Variants in ARID2 observed in about 807,000 individuals in gnomAD.
ARID2 encodes the protein AT-rich interactive domain-containing protein 2.
In ARID2, 32 loss-of-function variants were observed where a neutral mutation model predicts 184.6. The ratio of observed to expected loss-of-function variants is 0.17; its 90% CI spans 0.13 to 0.23. The LOEUF is 0.23. Ranked by LOEUF, ARID2 falls within the 10% of genes least tolerant of loss-of-function variation. The pLI is 1.00. For synonymous variants in ARID2, 836 were observed against 772.6 expected, an observed-to-expected ratio of 1.08 and a Z score of -1.36; for missense variants, 1,696 against 2,197.6, an observed-to-expected ratio of 0.77 and a Z score of 4.56.
chr12:45,749,037 GT>G (rs1341921819), intron 3 of ARID2, among the ~76,000 whole-genome samples: 1 of 152,198 alleles, frequency 6.6e-6, no homozygotes, highest in African/African-American at 2.4e-5. Context: ...AATCACAGAT[GT>G]TCTCAATGGC....
rs1940934033 is a variant in ARID2 at position 45,729,779 on chromosome 12, CG to C, written c.-52del. 2.0e-6 allele frequency: 3 copies of C among 1,489,172 alleles called. No individual in the cohort carries two copies. Among genetic ancestry groups the C allele is most frequent in the East Asian group, 2.5e-5 (1 of 40,674 alleles). 92.2% of individuals were successfully genotyped at this position (1,489,172 alleles called of 1,614,324 possible). A position where few individuals can be genotyped will look rare whatever the true frequency, so the allele number is the denominator to read the frequency against. ...GGGCTCTGGTAGGAAGCGCTGGGAG[CG>C]GGGGGCGCTTTTAAAACACCGATCT... On this transcript the variant is annotated 5_prime_UTR_variant, in exon 1 of 21. An upstream open reading frame in the 5' UTR loses its in-frame stop. Coordinates refer to ENST00000334344, the MANE Select transcript of ARID2 (RefSeq NM_152641.4).
At chr12:45,808,862 T>G (rs1418925025) in intron 3 of ARID2, among the ~76,000 whole-genome samples, 1 of 152,082 alleles carries the variant, frequency 6.6e-6, no homozygotes, top group African/African-American at 2.4e-5. Flanking sequence ...CCTCCCAGAT[T>G]CAAACAATTC....
rs1944331360 is a variant in ARID2 at position 45,893,550 on chromosome 12, A to G, written c.5271+7A>G. On this transcript the variant is annotated splice_region_variant and intron_variant, in intron 19 of 20. Transcript: ENST00000334344. ...TGTCTTTCGAGATTTTACAGTAAGC[A>G]TGCCTTGAAACCCTTATCTGTAAAA... The G allele has an allele frequency of 4.3e-6, 7 of 1,613,520 alleles. No individual in the cohort carries two copies. Among genetic ancestry groups the G allele is most frequent in the Non-Finnish European group, 5.9e-6 (7 of 1,179,650 alleles).
At chr12:45,865,745 T>C (rs1943821403) in intron 16 of ARID2, among the ~76,000 whole-genome samples, 1 of 152,110 alleles carries the variant, frequency 6.6e-6, no homozygotes, top group Non-Finnish European at 1.5e-5. Context: ...TTTCTTCAAT[T>C]TGTCACTGTA....
chr12:45,899,869 TCTTAA>T lies in ARID2; in HGVS notation c.5364-5060_5364-5056del, dbSNP rs1400101203. On this transcript the variant is annotated intron_variant, in intron 20 of 20. Transcript: ENST00000334344. ...TTCAAAATATGTCTATGTTACTATT[TCTTAA>T]CTTATCTAATTTTATACATTTATTG... is the stretch of plus-strand genomic sequence containing the variant. Among the ~76,000 whole-genome samples the T allele has an allele frequency of 5.9e-5, 9 of 151,374 alleles. 1 individual carries two copies. The highest frequency in any genetic ancestry group is 4.2e-4 in the South Asian group (2 of 4,804).
rs879571763 is a variant in ARID2 at position 45,885,418 on chromosome 12, CA to C, written c.4923-6350del. On this transcript the variant is annotated intron_variant, in intron 16 of 20. Transcript: ENST00000334344. ...CATCTTTTTAACTAGAATATTCCTG[CA>C]AAAAAAAAAAATCCCTTGCATTTTA... Among the ~76,000 whole-genome samples, 458 of 139,024 alleles carry C rather than the reference CA, an allele frequency of 3.3e-3. 1 individual carries two copies. The highest frequency in any genetic ancestry group is 6.3e-3 in the African/African-American group (240 of 37,972). 91.2% of individuals were successfully genotyped at this position (139,024 alleles called of 152,430 possible).
At chr12:45,838,210 G>A (rs965488225) in intron 10 of ARID2, among the ~76,000 whole-genome samples, 3 of 152,172 alleles carry the variant, frequency 2.0e-5, no homozygotes, top group Admixed American at 2.0e-4. Flanking sequence ...GAAGTTGCTG[G>A]TAGTGCTGCA....
At chr12:45,735,378 A>G (rs953719843) in intron 3 of ARID2, among the ~76,000 whole-genome samples, 14 of 151,202 alleles carry the variant, frequency 9.3e-5, no homozygotes, top group African/African-American at 2.2e-4. Context: ...TCAATAAGTT[A>G]TTCATGCATG....
At chr12:45,757,508 A>T (rs1283370543) in intron 3 of ARID2, among the ~76,000 whole-genome samples, 1 of 152,182 alleles carries the variant, frequency 6.6e-6, no homozygotes, top group African/African-American at 2.4e-5. Context: ...AAAATGTTTA[A>T]CTTACTGAGA....
intron 16 of ARID2, among the ~76,000 whole-genome samples, chr12:45,888,509 T>C (rs145369894): frequency 6.6e-6 from 1 of 152,160 alleles, no homozygotes; most frequent in Non-Finnish European, 1.5e-5. Context: ...TTTGGAATAG[T>C]TGTGGAGAAG....
intron 3 of ARID2, among the ~76,000 whole-genome samples, chr12:45,767,846 A>G (rs1354686381): frequency 6.6e-6 from 1 of 152,198 alleles, no homozygotes; most frequent in Non-Finnish European, 1.5e-5. Flanking sequence ...AGGAGATGCA[A>G]TAAGAAATCA....
Position 45,837,027 on chromosome 12 carries a change from A to G in ARID2, c.1023+36A>G, listed in dbSNP as rs769699472. The G allele has an allele frequency of 6.3e-6, 10 of 1,586,790 alleles. No individual in the cohort carries two copies. The Admixed American group carries it at 1.3e-4, about 20-fold the overall frequency. Reference sequence around the variant, plus strand: ...GACTGTACCTTAAACTAGTTTTTATAGTTAGCAACATTTATGTTACAATTT... The same window carrying G: ...GACTGTACCTTAAACTAGTTTTTATGGTTAGCAACATTTATGTTACAATTT... On this transcript the variant is annotated intron_variant, in intron 8 of 20. Transcript: ENST00000334344.
rs1943228717 is a variant in ARID2 at position 45,836,806 on chromosome 12, G to GATA, written c.839_841dup (p.Asp280_Ile281insAsn). 6.2e-7 allele frequency: 1 copy of GATA among 1,613,992 alleles called. No homozygotes were observed. The highest frequency in any genetic ancestry group is 8.5e-7 in the Non-Finnish European group (1 of 1,180,010). ...TCCACCTCGAAAGCTGGGCATTAAC[G>GATA]ATATTGAAGGACAGCGGGTACTTCA... is the stretch of plus-strand genomic sequence containing the variant. On this transcript the variant is annotated inframe_insertion, in exon 8 of 21. Coordinates refer to ENST00000334344, the MANE Select transcript of ARID2 (RefSeq NM_152641.4).
chr12:45,874,033 G>T (rs1592135136), intron 16 of ARID2: 1 of 152,210 alleles, frequency 6.6e-6, no homozygotes. Context: ...TTCAAAATTG[G>T]AATCAAGCAG....
intron 20 of ARID2, among the ~76,000 whole-genome samples, chr12:45,902,139 A>G (rs1321719577): frequency 6.6e-6 from 1 of 152,208 alleles, no homozygotes; most frequent in Non-Finnish European, 1.5e-5. Context: ...GAGTGACCCA[A>G]TATTTATTCT....
intron 3 of ARID2, among the ~76,000 whole-genome samples, chr12:45,738,775 G>A (rs975193473): frequency 9.3e-6 from 1 of 107,978 alleles, no homozygotes; most frequent in African/African-American, 4.1e-5. Flanking sequence ...GGGCATATGG[G>A]CTACTTTTTT....
At chr12:45,743,625 G>T (rs1213804940) in intron 3 of ARID2, among the ~76,000 whole-genome samples, 3 of 151,728 alleles carry the variant, frequency 2.0e-5, no homozygotes, top group Non-Finnish European at 2.9e-5. Context: ...TTTTCCATGT[G>T]TACTTTAGTA....
At chr12:45,780,733 C>G (rs773270816) in intron 3 of ARID2, among the ~76,000 whole-genome samples, 1 of 152,034 alleles carries the variant, frequency 6.6e-6, no homozygotes, top group Non-Finnish European at 1.5e-5. Context: ...ATTCTCCTGC[C>G]TCAGCCAACC....
At chr12:45,822,079 AT>A (rs1270059631) in intron 6 of ARID2, among the ~76,000 whole-genome samples, 1 of 152,216 alleles carries the variant, frequency 6.6e-6, no homozygotes, top group African/African-American at 2.4e-5. Context: ...TAGTATTACT[AT>A]TAATAGAACA....
Sources: allele counts gnomAD v4.1 joint callset (sites outside exome capture counted in the v4.1 genomes callset), GRCh38; gene constraint gnomAD v4.1.1; transcripts MANE v1.5; gene names NCBI Gene and HGNC (gene_info 2026-07-23, HGNC 2026-07-21).